The following OTX1 variants were observed in gnomAD, a reference collection of about 807,000 sequenced individuals.
OTX1 encodes orthodenticle homeobox 1, also known as homeobox protein OTX1.
A neutral mutation model predicts 26.7 loss-of-function variants in OTX1; 7 were observed. The observed-to-expected ratio is 0.26, with a 90% CI of 0.15 to 0.49. The LOEUF is 0.49. Among genes scored for constraint, OTX1 ranks in the 20% least tolerant of loss-of-function variants. The pLI, the probability that OTX1 is intolerant of heterozygous loss-of-function variation, is 0.98. For missense variants in OTX1, 414 were observed against 483.8 expected, an observed-to-expected ratio of 0.86 and a Z score of 1.35; for synonymous variants, 216 against 212.8, an observed-to-expected ratio of 1.01 and a Z score of -0.13.
Position 63,055,007 on chromosome 2 carries a change from G to A in OTX1, c.250-494G>A, listed in dbSNP as rs1368129674. 2.0e-5 allele frequency among the ~76,000 whole-genome samples: 3 copies of A among 152,186 alleles called. No homozygotes were observed. Among genetic ancestry groups the A allele is most frequent in the Non-Finnish European group, 1.5e-5 (1 of 68,036 alleles). ...CCCACCCAAATACTCGCCCTGCCCA[G>A]TTCTGGCCTCCAGGAGCTGCTCAGT... On this transcript the variant is annotated intron_variant, in intron 4 of 4. Transcript: ENST00000282549. The surrounding 1 kb of genome is among the most constrained non-coding windows in gnomAD (Gnocchi z 5.2).
rs753683810 is a variant in OTX1, at chr2:63,056,265, CGACTGTCTG to C, written c.1019_1027del (p.Cys340_Asp342del). On this transcript the variant is annotated inframe_deletion, in exon 5 of 5. Transcript: ENST00000282549. ...CCTGGAAACTCAACTTCAACTCCCCCGACTGTCTGGACTATAAGGACCAAGCCTCATGGC... is the reference window on the plus strand; with the variant it reads ...CCTGGAAACTCAACTTCAACTCCCCCGACTATAAGGACCAAGCCTCATGGC... 6.2e-7 allele frequency: 1 copy of C among 1,614,082 alleles called. No homozygotes were observed. The highest frequency in any genetic ancestry group is 1.1e-5 in the South Asian group (1 of 91,072).
At chr2:63,054,678 A>G (rs1376822006) in intron 4 of OTX1, among the ~76,000 whole-genome samples, 1 of 152,226 alleles carries the variant, frequency 6.6e-6, no homozygotes, top group Non-Finnish European at 1.5e-5. Flanking sequence ...TCCTCTGCTT[A>G]CAGAGGATGC....
At position 63,057,019 on chromosome 2, in the gene OTX1, A is replaced by C. The variant is rs2062073525; in HGVS notation, c.*703A>C. ...TTCCGCCTCGGCGGGAACGCTGTAC[A>C]TAGTCAGGTCCGTTCCAGGGACCAC... On this transcript the variant is annotated 3_prime_UTR_variant, in exon 5 of 5. Transcript: ENST00000282549. 6.6e-6 allele frequency: 1 copy of C among 152,324 alleles called. No homozygotes were observed. Among genetic ancestry groups the C allele is most frequent in the African/African-American group, 2.4e-5 (1 of 41,440 alleles). 9.4% of individuals were successfully genotyped at this position (152,324 alleles called of 1,614,324 possible).
upstream of OTX1, among the ~76,000 whole-genome samples, chr2:63,050,523 G>A (rs2062017786): frequency 6.6e-6 from 1 of 152,056 alleles, no homozygotes; most frequent in African/African-American, 2.4e-5. Flanking sequence ...GCCCAGGGCA[G>A]GCCTGGAGAC....
intron 3 of OTX1, 75 bp from the exon 4 acceptor site, chr2:63,053,972 G>A (rs770631434): frequency 1.3e-6 from 2 of 1,519,092 alleles, no homozygotes; most frequent in East Asian, 2.5e-5. Flanking sequence ...GGGCCTGCCA[G>A]GGGCCTGCCC....
At chr2:63,051,949 AGTTCTCT>A (rs2062029840) in intron 2 of OTX1, 1 of 152,380 alleles carries the variant, frequency 6.6e-6, no homozygotes, top group South Asian at 2.1e-4. Context: ...GCTGAGGCCT[AGTTCTCT>A]GTTCTCGACC....
intron 3 of OTX1, 150 bp from the exon 4 acceptor site, chr2:63,053,897 G>T: frequency 6.9e-6 from 6 of 871,682 alleles, no homozygotes; most frequent in Non-Finnish European, 1.0e-5. Context: ...GGCCTCTCAG[G>T]CTCGGCCGCC....
chr2:63,051,486 G>C (rs866771394), intron 2 of OTX1, 169 bp downstream of exon 2: 1 of 152,274 alleles, frequency 6.6e-6, no homozygotes, highest in African/African-American at 2.4e-5. Flanking sequence ...GCGCTGTCGC[G>C]GCCCGCAGCC....
chr2:63,053,736 G>T (rs2062044116), intron 3 of OTX1, among the ~76,000 whole-genome samples: 1 of 152,070 alleles, frequency 6.6e-6, no homozygotes. Flanking sequence ...GTGCGTGTGC[G>T]TGTGTGTGTG....
At chr2:63,054,934 G>T (rs939188305) in intron 4 of OTX1, among the ~76,000 whole-genome samples, 2 of 152,124 alleles carry the variant, frequency 1.3e-5, no homozygotes, top group African/African-American at 4.8e-5. Context: ...CTTCCTTCCC[G>T]AGTCCCTCAA....
At position 63,055,071 on chromosome 2, in the gene OTX1, C is replaced by G. The variant is rs56175919; in HGVS notation, c.250-430C>G. On this transcript the variant is annotated intron_variant, in intron 4 of 4. Transcript: ENST00000282549. The surrounding 1 kb of genome is among the most constrained non-coding windows in gnomAD (Gnocchi z 5.2). ...CCCTAGACTTGGTGACTGTTCCACACTCTTCGGCTCTGTACCTCTCCACTG... is the reference window on the plus strand; with the variant it reads ...CCCTAGACTTGGTGACTGTTCCACAGTCTTCGGCTCTGTACCTCTCCACTG... Among the ~76,000 whole-genome samples the G allele has an allele frequency of 0.019, 2,936 of 152,362 alleles. 35 individuals carry two copies. The highest frequency in any genetic ancestry group is 0.03 in the Non-Finnish European group (2,020 of 68,032).
rs1182885778 is a variant in OTX1, at chr2:63,055,752, G to C, written c.501G>C (p.Ser167=). 1 of 1,612,282 alleles carries C rather than the reference G, an allele frequency of 6.2e-7. No homozygotes were observed. The highest frequency in any genetic ancestry group is 1.7e-5 in the Admixed American group (1 of 59,970). ...GGAACCCGGTGGCGGCCGCGTCGTC[G>C]CTGAGTACACCAGCTGCCTCATCTA... ...LGGNPVAAAS[S]LSTPAASSIW... is the part of the protein sequence containing the mutation. Residue 167 remains serine (S), a synonymous_variant, in exon 5 of 5, where the codon TCG becomes TCC. Coordinates refer to ENST00000282549, the MANE Select transcript of OTX1 (RefSeq NM_014562.4). This position sits in a 1 kb window ranked among gnomAD's most constrained non-coding sequence, Gnocchi z 5.2.
chr2:63,053,151 G>GA (rs1382247185), intron 3 of OTX1, 64 bp downstream of exon 3: 46 of 1,108,496 alleles, frequency 4.1e-5, no homozygotes, highest in Non-Finnish European at 5.9e-5. Flanking sequence ...CAGACTGTTG[G>GA]ATTTGAGTGC....
At chr2:63,052,587 G>A (rs1160031037) in intron 2 of OTX1, among the ~76,000 whole-genome samples, 2 of 152,212 alleles carry the variant, frequency 1.3e-5, no homozygotes, top group African/African-American at 4.8e-5. Context: ...GGACTTGGGA[G>A]CTTGTACACT....
chr2:63,050,520 G>A (rs946719081), upstream of OTX1, among the ~76,000 whole-genome samples: 30 of 152,266 alleles, frequency 2.0e-4, no homozygotes, highest in South Asian at 4.1e-4. Flanking sequence ...GGCGCCCAGG[G>A]CAGGCCTGGA....
At position 63,055,379 on chromosome 2, in the gene OTX1, G is replaced by A. The variant is rs996199044; in HGVS notation, c.250-122G>A. ...CTGGCCAGGCCAGAGACAGGAAGGG[G>A]CGGAGGCCTCGGTGAGAAAGGATTG... On this transcript the variant is annotated intron_variant, in intron 4 of 4. Transcript: ENST00000282549. This position sits in a 1 kb window ranked among gnomAD's most constrained non-coding sequence, Gnocchi z 5.2. 2.8e-6 allele frequency: 3 copies of A among 1,060,678 alleles called. No individual in the cohort carries two copies. The highest frequency in any genetic ancestry group is 3.2e-5 in the African/African-American group (2 of 62,744). 65.7% of individuals were successfully genotyped at this position (1,060,678 alleles called of 1,614,324 possible). A position where few individuals can be genotyped will look rare whatever the true frequency, so the allele number is the denominator to read the frequency against.
rs1413889536 is a variant in OTX1 at position 63,057,552 on chromosome 2, C to T, written c.*1236C>T. ...TTAGGGAAAAACAAACAAACCCAGG[C>T]CCCAAACCCAGTTCCAACTCCTCTG... On this transcript the variant is annotated 3_prime_UTR_variant, in exon 5 of 5. Transcript: ENST00000282549. The T allele has an allele frequency of 6.6e-6, 1 of 152,222 alleles. No homozygotes were observed. Among genetic ancestry groups the T allele is most frequent in the Non-Finnish European group, 1.5e-5 (1 of 68,068 alleles). 9.4% of individuals were successfully genotyped at this position (152,222 alleles called of 1,614,324 possible). A position where few individuals can be genotyped will look rare whatever the true frequency, so the allele number is the denominator to read the frequency against.
intron 3 of OTX1, chr2:63,053,353 G>T (rs577374868): frequency 1.9e-4 from 79 of 409,182 alleles, no homozygotes; most frequent in African/African-American, 1.5e-3. Context: ...TGGTCCCACC[G>T]CCAGCGCAGA....
At position 63,056,432 on chromosome 2, in the gene OTX1, AC is replaced by A. The variant is rs1559120180; in HGVS notation, c.*122del. 1.1e-5 allele frequency: 11 copies of A among 959,374 alleles called. No individual in the cohort carries two copies. The Admixed American group carries it at 1.6e-4, about 14-fold the overall frequency. The allele number at this position is 959,374 out of a possible 1,614,324, so 59.4% of individuals were successfully genotyped here. ...TCGTCTTCTCCAAAACTGAATTTTC[AC>A]CCCCCAAAAAGATGTCCATTGCCTG... On this transcript the variant is annotated 3_prime_UTR_variant, in exon 5 of 5. Transcript: ENST00000282549.
Sources: allele counts gnomAD v4.1 joint callset (sites outside exome capture counted in the v4.1 genomes callset), GRCh38; gene constraint gnomAD v4.1.1; non-coding constraint Gnocchi (gnomAD v3.1); transcripts MANE v1.5; gene names NCBI Gene and HGNC (gene_info 2026-07-23, HGNC 2026-07-21).